PCBP3: variants seen among roughly 807,000 people sequenced by gnomAD.
PCBP3 encodes poly(rC) binding protein 3.
Under a neutral mutation model 52.7 loss-of-function variants are expected in PCBP3, and 25 were observed. That is an observed-to-expected ratio of 0.47 (90% CI 0.35 to 0.66). The LOEUF (loss-of-function observed/expected upper bound fraction) is 0.66, where lower values mean the gene tolerates loss of function less well. Among genes scored for constraint, PCBP3 ranks in the 30% least tolerant of loss-of-function variants. PCBP3 has a pLI of 0.01. For synonymous variants in PCBP3, 162 were observed against 183.0 expected (o/e 0.89, Z 0.93); for missense variants, 391 against 490.3 (o/e 0.80, Z 1.91).
Position 45,808,933 on chromosome 21 carries a change from G to A in PCBP3, c.-125-41028G>A, listed in dbSNP as rs569201718. Among the ~76,000 whole-genome samples the A allele has an allele frequency of 6.8e-4, 104 of 152,224 alleles. 2 individuals are homozygous for A. The highest frequency in any genetic ancestry group is 1.2e-3 in the South Asian group (6 of 4,814). On this transcript the variant is annotated intron_variant, in intron 4 of 17. Coordinates refer to ENST00000681687, the MANE Select transcript of PCBP3 (RefSeq NM_001384156.1). Reference sequence around the variant, plus strand: ...AAATCATCATTCTCAGCAAACTAACGCAAGAACAGAAAACCAAACACCACA... The same window carrying A: ...AAATCATCATTCTCAGCAAACTAACACAAGAACAGAAAACCAAACACCACA...
chr21:45,675,655 A>G (rs368569368), intron 2 of PCBP3, among the ~76,000 whole-genome samples: 85 of 152,258 alleles, frequency 5.6e-4, no homozygotes, highest in African/African-American at 1.8e-3. Context: ...CATAGCAACC[A>G]CAGTAAGCCT....
chr21:45,672,167 A>G (rs1484024449), intron 2 of PCBP3, among the ~76,000 whole-genome samples: 2 of 152,128 alleles, frequency 1.3e-5, no homozygotes, highest in Non-Finnish European at 2.9e-5. Context: ...GACCTGAGCT[A>G]GCACACTCAG....
At chr21:45,688,873 A>C (rs772187732) in intron 2 of PCBP3, among the ~76,000 whole-genome samples, 5 of 151,882 alleles carry the variant, frequency 3.3e-5, no homozygotes, top group African/African-American at 7.2e-5. Flanking sequence ...CTTAAAAAAA[A>C]AACAACAACA....
At chr21:45,648,912 G>A (rs766921924) in intron 1 of PCBP3, among the ~76,000 whole-genome samples, 13 of 152,092 alleles carry the variant, frequency 8.5e-5, no homozygotes, top group Non-Finnish European at 1.8e-4. Context: ...CCTTTTAAAT[G>A]TGCTGTTTTG....
intron 2 of PCBP3, among the ~76,000 whole-genome samples, chr21:45,698,220 G>A (rs999801230): frequency 1.3e-5 from 2 of 152,164 alleles, no homozygotes; most frequent in African/African-American, 4.8e-5. Flanking sequence ...TCCTCTTGGG[G>A]CTCCTTCCCC....
At chr21:45,688,060 T>A (rs2082255362) in intron 2 of PCBP3, among the ~76,000 whole-genome samples, 1 of 152,110 alleles carries the variant, frequency 6.6e-6, no homozygotes, top group East Asian at 1.9e-4. Flanking sequence ...AAAATATCAG[T>A]TTATCAAAAA....
chr21:45,655,416 A>G (rs748488582), intron 1 of PCBP3, among the ~76,000 whole-genome samples: 2 of 152,110 alleles, frequency 1.3e-5, no homozygotes, highest in African/African-American at 2.4e-5. Flanking sequence ...TGCACATTCT[A>G]TTCTCTCAAA....
intron 1 of PCBP3, among the ~76,000 whole-genome samples, chr21:45,648,139 G>T (rs2079442082): frequency 6.6e-6 from 1 of 152,200 alleles, no homozygotes; most frequent in Admixed American, 6.5e-5. Flanking sequence ...TTCTAGCCCA[G>T]TGAGACCCTT....
chr21:45,880,584 A>G lies in PCBP3; in HGVS notation c.11-15624A>G, dbSNP rs1172623812. 1.3e-5 allele frequency among the ~76,000 whole-genome samples: 2 copies of G among 152,130 alleles called. No individual in the cohort carries two copies. Among genetic ancestry groups the G allele is most frequent in the Non-Finnish European group, 2.9e-5 (2 of 68,030 alleles). The stretch of plus-strand genomic sequence containing the variant: ...GTGAATCTGTCTAATCCTTAAATAC[A>G]TACTGCGCCCCCTTGTGGGCCAAGA... On this transcript the variant is annotated intron_variant, in intron 5 of 17. Transcript: ENST00000681687. This position sits in a 1 kb window ranked among gnomAD's most constrained non-coding sequence, Gnocchi z 5.4.
In PCBP3 at chr21:45,928,420, G is replaced by A. The variant is rs192699966; in HGVS notation, c.718-1497G>A. Among the ~76,000 whole-genome samples, 544 of 152,320 alleles carry A rather than the reference G, an allele frequency of 3.6e-3. 3 individuals are homozygous for A. Among genetic ancestry groups the A allele is most frequent in the African/African-American group, 0.013 (530 of 41,586 alleles). ...GCCCCCCGATCCTCCCAGGGTACTA[G>A]GTACTGAGGAAGGAAGGGCCTTTAT... On this transcript the variant is annotated intron_variant, in intron 13 of 17. Coordinates refer to ENST00000681687, the MANE Select transcript of PCBP3 (RefSeq NM_001384156.1). This position sits in a 1 kb window ranked among gnomAD's most constrained non-coding sequence, Gnocchi z 4.1.
chr21:45,820,166 T>C (rs922316613), intron 4 of PCBP3, among the ~76,000 whole-genome samples: 3 of 152,220 alleles, frequency 2.0e-5, no homozygotes, highest in Non-Finnish European at 4.4e-5. Flanking sequence ...CTCTCGGCTA[T>C]GTGTGGGATG....
At chr21:45,875,037 C>G (rs2095199487) in intron 5 of PCBP3, among the ~76,000 whole-genome samples, 1 of 152,242 alleles carries the variant, frequency 6.6e-6, no homozygotes, top group Non-Finnish European at 1.5e-5. Context: ...AAAGAGCCTC[C>G]TCACAAAGCC....
chr21:45,769,502 C>T lies in PCBP3; in HGVS notation c.-126+14050C>T, dbSNP rs116361336. On this transcript the variant is annotated intron_variant, in intron 4 of 17. Coordinates refer to ENST00000681687, the MANE Select transcript of PCBP3 (RefSeq NM_001384156.1). ...GAAATGAAAGGGATCTTCAAATGGGCGGCCCCTACTGTGCTTTGTTCAGTT... is the reference window on the plus strand; with the variant it reads ...GAAATGAAAGGGATCTTCAAATGGGTGGCCCCTACTGTGCTTTGTTCAGTT... Among the ~76,000 whole-genome samples, 313 of 152,378 alleles carry T rather than the reference C, an allele frequency of 2.1e-3. 1 individual carries two copies. The highest frequency in any genetic ancestry group is 7.3e-3 in the African/African-American group (304 of 41,584).
At chr21:45,866,071 G>T (rs1192045602) in intron 5 of PCBP3, among the ~76,000 whole-genome samples, 3 of 152,236 alleles carry the variant, frequency 2.0e-5, no homozygotes, top group Admixed American at 6.5e-5. Flanking sequence ...AGCATGGGCT[G>T]CGGTGTTTCA....
chr21:45,905,977 C>T (rs1333414373), intron 9 of PCBP3, among the ~76,000 whole-genome samples: 1 of 152,156 alleles, frequency 6.6e-6, no homozygotes, highest in African/African-American at 2.4e-5. Flanking sequence ...CCACAGACTT[C>T]CTCGTCTCTG....
intron 3 of PCBP3, among the ~76,000 whole-genome samples, chr21:45,745,310 T>C (rs145809318): frequency 6.6e-6 from 1 of 152,040 alleles, no homozygotes; most frequent in Non-Finnish European, 1.5e-5. Flanking sequence ...GGGGAAAGGG[T>C]AAGCTGTGGA....
chr21:45,913,040 A>C (rs2096431695), intron 11 of PCBP3, among the ~76,000 whole-genome samples: 1 of 152,082 alleles, frequency 6.6e-6, no homozygotes. Context: ...GGAACGGCTC[A>C]TGGGCTCCAG....
chr21:45,795,560 A>G (rs560523002), intron 4 of PCBP3, among the ~76,000 whole-genome samples: 33 of 152,312 alleles, frequency 2.2e-4, no homozygotes, highest in African/African-American at 7.9e-4. Context: ...AAAAGTAATG[A>G]AAGTGAGAGA....
chr21:45,764,360 A>T (rs1156229464), intron 4 of PCBP3, among the ~76,000 whole-genome samples: 2 of 152,126 alleles, frequency 1.3e-5, no homozygotes, highest in Non-Finnish European at 1.5e-5. Flanking sequence ...GACCTCAGGC[A>T]GTCTACCCGC....
Sources: gnomAD v4.1 joint callset for allele counts (sites outside exome capture counted in the v4.1 genomes callset) on GRCh38, gnomAD v4.1.1 for gene constraint, Gnocchi (gnomAD v3.1) non-coding constraint, MANE v1.5 for transcripts, NCBI Gene and HGNC (gene_info 2026-07-23, HGNC 2026-07-21) for gene names.